Variants in RINT1 observed in about 807,000 individuals in gnomAD.
RINT1 encodes RAD50-interacting protein 1.
RINT1 carries 75 observed loss-of-function variants against 97.7 expected under a neutral mutation model. The observed-to-expected ratio is 0.77, with a 90% CI of 0.64 to 0.93. RINT1 has a LOEUF of 0.93. Ranked by LOEUF, RINT1 falls within the 40% of genes least tolerant of loss-of-function variation. The pLI, the probability that RINT1 is intolerant of heterozygous loss-of-function variation, is 0.00. For missense variants in RINT1, 892 were observed against 925.2 expected (o/e 0.96, Z 0.47); for synonymous variants, 303 against 326.3 (o/e 0.93, Z 0.77).
chr7:105,551,787 TG>T, intron 10 of RINT1, 80 bp downstream of exon 10: 1 of 1,183,630 alleles, frequency 8.4e-7, no homozygotes, highest in Non-Finnish European at 1.2e-6. Flanking sequence ...CTCAGTAGGC[TG>T]GGTGCAGTGG....
chr7:105,554,588 G>A (rs780500933), intron 10 of RINT1, among the ~76,000 whole-genome samples: 9 of 151,816 alleles, frequency 5.9e-5, no homozygotes, highest in Admixed American at 2.6e-4. Context: ...ACAGGCACAC[G>A]CCACTACTGC....
chr7:105,551,820 C>G, intron 10 of RINT1, 113 bp downstream of exon 10: 1 of 799,008 alleles, frequency 1.3e-6, no homozygotes, highest in South Asian at 2.5e-5. Flanking sequence ...AATCCTAGCA[C>G]TTTGAGAGGC....
Position 105,567,327 on chromosome 7 carries a change from G to A in RINT1, c.*16G>A. ...TGGAAAATAATGTCTTTCAGAAAAAGGTTTCTTTGGTTTTTGTTTCTAAGA... is the reference window on the plus strand; with the variant it reads ...TGGAAAATAATGTCTTTCAGAAAAAAGTTTCTTTGGTTTTTGTTTCTAAGA... On this transcript the variant is annotated 3_prime_UTR_variant, in exon 15 of 15. Transcript: ENST00000257700. 6.5e-7 allele frequency: 1 copy of A among 1,544,248 alleles called. No homozygotes were observed.
At chr7:105,566,966 A>C (rs1209321053) in intron 14 of RINT1, 153 bp from the exon 15 acceptor site, 5 of 445,576 alleles carry the variant, frequency 1.1e-5, no homozygotes, top group Middle Eastern at 1.1e-3. Context: ...TAGTCTTACC[A>C]TGTTAAAAGA....
At chr7:105,533,122 G>A (rs1419573877) in intron 2 of RINT1, among the ~76,000 whole-genome samples, 1 of 152,204 alleles carries the variant, frequency 6.6e-6, no homozygotes, top group Non-Finnish European at 1.5e-5. Context: ...TTCGCTGGAA[G>A]TCTGCCTATC....
intron 6 of RINT1, 70 bp from the exon 7 acceptor site, chr7:105,548,484 T>A: frequency 1.4e-6 from 2 of 1,405,864 alleles, no homozygotes; most frequent in Non-Finnish European, 1.0e-6. Context: ...TTATTGTGTG[T>A]GTATACATAC....
At position 105,555,224 on chromosome 7, in the gene RINT1, T is replaced by C. The variant is rs1440652187; in HGVS notation, c.1668T>C (p.Asn556=). Residue 556 remains asparagine, a synonymous_variant, in exon 11 of 15, where the codon AAT becomes AAC. Coordinates refer to ENST00000257700, the MANE Select transcript of RINT1 (RefSeq NM_021930.6). ...CAGTACTAGCAGATTGGGCTGACAATGTTGTGAGTTAATATGCTTTTATAT... is the reference window on the plus strand; with the variant it reads ...CAGTACTAGCAGATTGGGCTGACAACGTTGTGAGTTAATATGCTTTTATAT... ...ISTVLADWAD[N]VFFLQLQQAA... is the part of the protein sequence containing the mutation. The C allele has an allele frequency of 6.2e-7, 1 of 1,611,392 alleles. No individual in the cohort carries two copies. Among genetic ancestry groups the C allele is most frequent in the Non-Finnish European group, 8.5e-7 (1 of 1,178,450 alleles).
At chr7:105,541,639 G>C (rs1790464439) in intron 3 of RINT1, 1 of 152,104 alleles carries the variant, frequency 6.6e-6, no homozygotes, top group South Asian at 2.1e-4. Context: ...AGCCGAGCGT[G>C]ATGGCACGTG....
rs1441555223 is a variant in RINT1 at position 105,567,283 on chromosome 7, G to A, written c.2351G>A (p.Arg784Lys). ...QQDVEILLNLRTNWPNTGK is the reference protein window; with the variant it reads ...QQDVEILLNLKTNWPNTGK Reference sequence around the variant, plus strand: ...GATGTTGAGATTCTACTTAATTTGAGGACAAATTGGCCTAATACTGGAAAA... The same window carrying A: ...GATGTTGAGATTCTACTTAATTTGAAGACAAATTGGCCTAATACTGGAAAA... Residue 784 changes from arginine (R) to lysine (K), a missense_variant, in exon 15 of 15, where the codon AGG (arginine) becomes AAG (lysine). Coordinates refer to ENST00000257700, the MANE Select transcript of RINT1 (RefSeq NM_021930.6). The A allele has an allele frequency of 1.9e-6, 3 of 1,606,500 alleles. No homozygotes were observed. In the East Asian group the frequency reaches 6.7e-5, roughly 36 times the overall value.
At chr7:105,557,320 TAAAC>T (rs1290847213) in intron 11 of RINT1, among the ~76,000 whole-genome samples, 3 of 152,126 alleles carry the variant, frequency 2.0e-5, no homozygotes, top group Non-Finnish European at 4.4e-5. Context: ...ATTGTAAACT[TAAAC>T]AATTAGATTG....
intron 4 of RINT1, among the ~76,000 whole-genome samples, chr7:105,545,715 G>A (rs1021272298): frequency 1.3e-5 from 2 of 150,710 alleles, no homozygotes; most frequent in East Asian, 3.9e-4. Flanking sequence ...TAGTAGAGAC[G>A]GGAAGGGTTT....
chr7:105,554,974 C>CT, intron 10 of RINT1, 54 bp from the exon 11 acceptor site: 1 of 1,413,056 alleles, frequency 7.1e-7, no homozygotes, highest in Non-Finnish European at 9.9e-7. Context: ...AAACTTATAA[C>CT]TATATCATAG....
chr7:105,558,186 T>A (rs1212101404), intron 11 of RINT1, among the ~76,000 whole-genome samples: 1 of 151,012 alleles, frequency 6.6e-6, no homozygotes, highest in Non-Finnish European at 1.5e-5. Context: ...TCCCAGCTAC[T>A]CAGGAGGCTG....
rs552778762 is a variant in RINT1 at position 105,546,989 on chromosome 7, A to G, written c.595A>G (p.Ile199Val). ...TCTAGTGTCTATGGCAGAACTTGAC[A>G]TTAAACTTCAGGAATCATCTTGTAC... ...STLVSMAELD[I>V]KLQESSCTHL... The change falls in exon 5 of 15, where the codon ATT becomes GTT. Residue 199 changes from isoleucine to valine, a missense_variant. Transcript: ENST00000257700. 9.3e-6 allele frequency: 15 copies of G among 1,613,954 alleles called. No homozygotes were observed. In the East Asian group the frequency reaches 1.8e-4, roughly 19 times the overall value.
In RINT1 at chr7:105,550,266, A is replaced by G. The variant is rs1432787565; in HGVS notation, c.1113A>G (p.Glu371=). 1 of 1,613,540 alleles carries G rather than the reference A, an allele frequency of 6.2e-7. No individual in the cohort carries two copies. The change falls in exon 9 of 15, where the codon GAA becomes GAG. Residue 371 remains glutamate, a synonymous_variant. Coordinates refer to ENST00000257700, the MANE Select transcript of RINT1 (RefSeq NM_021930.6). ...ATGTTTGTGTATTTTTTTAGCTTGAATTTTCTCGGGGCCTTATGATGCTGG... is the reference window on the plus strand; with the variant it reads ...ATGTTTGTGTATTTTTTTAGCTTGAGTTTTCTCGGGGCCTTATGATGCTGG... The part of the protein sequence containing the change: ...KVGSLVNARL[E]FSRGLMMLVL...
Position 105,532,673 on chromosome 7 carries a change from A to T in RINT1, c.43-151A>T. ...GTGGCACCAGGACAGTGGCACTTTG[A>T]GGTACCTGATTCGGACGGCCCTGGT... On this transcript the variant is annotated intron_variant, in intron 1 of 14. Transcript: ENST00000257700. 24 of 815,936 alleles carry T rather than the reference A, an allele frequency of 2.9e-5. 1 individual carries two copies. In the South Asian group the frequency reaches 3.6e-4, roughly 12 times the overall value. 50.5% of individuals were successfully genotyped at this position (815,936 alleles called of 1,614,324 possible).
rs1416265822 is a variant in RINT1 at position 105,567,243 on chromosome 7, A to C, written c.2311A>C (p.Lys771Gln). 4 of 1,613,674 alleles carry C rather than the reference A, an allele frequency of 2.5e-6. No individual in the cohort carries two copies. The Admixed American group carries it at 5.0e-5, about 20-fold the overall frequency. The change falls in exon 15 of 15, where the codon AAA becomes CAA. Residue 771 changes from lysine to glutamine, a missense_variant. Transcript: ENST00000257700. ...AGCATTAAATGAAGTTGGAATTTAC[A>C]AACTGGCTCAACAAGATGTTGAGAT... ...TAALNEVGIYKLAQQDVEILL... is the reference protein window; with the variant it reads ...TAALNEVGIYQLAQQDVEILL...
intron 2 of RINT1, among the ~76,000 whole-genome samples, chr7:105,535,117 A>C (rs915407079): frequency 2.0e-5 from 3 of 150,992 alleles, no homozygotes; most frequent in African/African-American, 7.3e-5. Flanking sequence ...TAGTGGTTGC[A>C]TTTGTCATTT....
At chr7:105,551,793 C>A in intron 10 of RINT1, 86 bp downstream of exon 10, 1 of 1,150,722 alleles carries the variant, frequency 8.7e-7, no homozygotes, top group Non-Finnish European at 1.2e-6. Context: ...AGGCTGGGTG[C>A]AGTGGCTCAT....
Sources: gnomAD v4.1 joint callset for allele counts (sites outside exome capture counted in the v4.1 genomes callset) on GRCh38, gnomAD v4.1.1 for gene constraint, MANE v1.5 for transcripts, NCBI Gene and HGNC (gene_info 2026-07-23, HGNC 2026-07-21) for gene names.